CELF4: variants seen among roughly 807,000 people sequenced by gnomAD.
CELF4 encodes CUG-BP- and ETR-3-like factor 4.
A neutral mutation model predicts 59.9 loss-of-function variants in CELF4; 18 were observed. That is an observed-to-expected ratio of 0.30 (90% CI 0.21 to 0.45). The LOEUF is 0.45. Ranked by LOEUF, CELF4 falls within the 20% of genes least tolerant of loss-of-function variation. The pLI, the probability that CELF4 is intolerant of heterozygous loss-of-function variation, is 1.00. For synonymous variants in CELF4, 261 were observed against 267.1 expected, an observed-to-expected ratio of 0.98 and a Z score of 0.22; for missense variants, 456 against 689.0, an observed-to-expected ratio of 0.66 and a Z score of 3.79.
chr18:37,507,989 C>A (rs972665041), intron 1 of CELF4, among the ~76,000 whole-genome samples: 1 of 152,218 alleles, frequency 6.6e-6, no homozygotes, highest in Non-Finnish European at 1.5e-5. Flanking sequence ...GATTCCTCCT[C>A]TCCACCAGCC....
In CELF4 at chr18:37,254,009, TCGGGGGACAGGGGGG is replaced by T; in HGVS notation, c.1334-86_1334-72del. On this transcript the variant is annotated intron_variant, in intron 11 of 12. Coordinates refer to ENST00000420428, the MANE Select transcript of CELF4 (RefSeq NM_020180.4). The surrounding 1 kb of genome is among the most constrained non-coding windows in gnomAD (Gnocchi z 5.1). ...CCGGGGCGCTGCCGGCGGGGAGGGGTCGGGGGACAGGGGGGCGGGGCGGGCCTGAGGCTCTCCCCC... is the reference window on the plus strand; with the variant it reads ...CCGGGGCGCTGCCGGCGGGGAGGGGTCGGGGCGGGCCTGAGGCTCTCCCCC... 3.5e-6 allele frequency: 1 copy of T among 286,442 alleles called. No individual in the cohort carries two copies. Among genetic ancestry groups the T allele is most frequent in the Non-Finnish European group, 6.8e-6 (1 of 146,276 alleles). 17.7% of individuals were successfully genotyped at this position (286,442 alleles called of 1,614,324 possible). A position where few individuals can be genotyped will look rare whatever the true frequency, so the allele number is the denominator to read the frequency against.
At chr18:37,466,244 C>T (rs962220188) in intron 2 of CELF4, among the ~76,000 whole-genome samples, 11 of 152,162 alleles carry the variant, frequency 7.2e-5, no homozygotes, top group African/African-American at 2.7e-4. Context: ...CTGAGATGTT[C>T]CGAAGGAAGT....
At chr18:37,367,359 C>T (rs1206292514) in intron 2 of CELF4, among the ~76,000 whole-genome samples, 1 of 151,952 alleles carries the variant, frequency 6.6e-6, no homozygotes, top group Non-Finnish European at 1.5e-5. Flanking sequence ...TCACTGGAGA[C>T]AGTTCGTTTG....
intron 1 of CELF4, among the ~76,000 whole-genome samples, chr18:37,498,477 T>G (rs2099927718): frequency 7.0e-6 from 1 of 143,184 alleles, no homozygotes; most frequent in Admixed American, 6.9e-5. Context: ...TCCTTTTCTC[T>G]TTCTTCTTTA....
chr18:37,381,011 C>T (rs1396334345), intron 2 of CELF4, among the ~76,000 whole-genome samples: 1 of 151,796 alleles, frequency 6.6e-6, no homozygotes, highest in African/African-American at 2.4e-5. Context: ...ACCATCCATC[C>T]ATCTATCCAT....
chr18:37,434,128 T>A (rs1029323391), intron 2 of CELF4, among the ~76,000 whole-genome samples: 18 of 152,144 alleles, frequency 1.2e-4, no homozygotes, highest in African/African-American at 4.1e-4. Flanking sequence ...AAGCTGCACA[T>A]AAACTCTGAA....
intron 2 of CELF4, among the ~76,000 whole-genome samples, chr18:37,479,402 A>C (rs1438239481): frequency 6.6e-6 from 1 of 152,148 alleles, no homozygotes; most frequent in Non-Finnish European, 1.5e-5. Flanking sequence ...GGGCCAGATG[A>C]TGTTTTGCTG....
intron 2 of CELF4, among the ~76,000 whole-genome samples, chr18:37,435,225 C>G (rs2099687058): frequency 6.6e-6 from 1 of 152,148 alleles, no homozygotes; most frequent in Non-Finnish European, 1.5e-5. Context: ...TTTTCCAGTT[C>G]TACTTTCTCT....
intron 2 of CELF4, among the ~76,000 whole-genome samples, chr18:37,334,805 G>C (rs1248393227): frequency 6.6e-6 from 1 of 151,992 alleles, no homozygotes; most frequent in Admixed American, 6.6e-5. Flanking sequence ...AGAGTCCCCA[G>C]GCATGTTAAA....
chr18:37,383,495 G>C (rs971108909), intron 2 of CELF4, among the ~76,000 whole-genome samples: 1 of 152,236 alleles, frequency 6.6e-6, no homozygotes, highest in Non-Finnish European at 1.5e-5. Context: ...TTTGATGCTT[G>C]AAGGAGGCAA....
In CELF4 at chr18:37,274,436, C is replaced by T; in HGVS notation, c.676G>A (p.Val226Met). The change falls in exon 6 of 13, where the codon GTG (valine) becomes ATG (methionine). Residue 226 changes from valine to methionine, a missense_variant. Physicochemically the swap from Val to Met is conservative, Grantham distance 21. Transcript: ENST00000420428. Reference protein sequence around the residue: ...QTMPGASSSLVVKFADTDKER... With the variant: ...QTMPGASSSLMVKFADTDKER... The stretch of plus-strand genomic sequence containing the variant: ...TTGTCGGTGTCGGCGAACTTGACCA[C>T]CAGACTGGACGAGGCTCCCTGCGGC... The T allele has an allele frequency of 6.2e-7, 1 of 1,613,270 alleles. No individual in the cohort carries two copies. The highest frequency in any genetic ancestry group is 8.5e-7 in the Non-Finnish European group (1 of 1,179,918).
At chr18:37,496,097 C>G (rs986754047) in intron 1 of CELF4, among the ~76,000 whole-genome samples, 2 of 152,160 alleles carry the variant, frequency 1.3e-5, no homozygotes, top group African/African-American at 4.8e-5. Context: ...CTTGGGCCCT[C>G]CATCAGATCC....
At chr18:37,278,189 A>G (rs1265493454) in intron 3 of CELF4, among the ~76,000 whole-genome samples, 1 of 151,928 alleles carries the variant, frequency 6.6e-6, no homozygotes, top group African/African-American at 2.4e-5. Flanking sequence ...GCCTTTCTAA[A>G]CATATAAGCT....
intron 1 of CELF4, among the ~76,000 whole-genome samples, chr18:37,504,449 A>C: frequency 7.2e-6 from 1 of 138,682 alleles, no homozygotes; most frequent in Non-Finnish European, 1.5e-5. Flanking sequence ...GTGAGACTCC[A>C]TCTCAAAAAA....
At chr18:37,264,464 T>C (rs568670813) in intron 10 of CELF4, among the ~76,000 whole-genome samples, 1 of 152,350 alleles carries the variant, frequency 6.6e-6, no homozygotes, top group East Asian at 1.9e-4. Flanking sequence ...ACCACTCTGG[T>C]GTACAGAGCT....
chr18:37,548,659 C>T (rs1235331190), intron 1 of CELF4, among the ~76,000 whole-genome samples: 1 of 152,152 alleles, frequency 6.6e-6, no homozygotes. Context: ...ACTTTTGCAC[C>T]GTGTTTTCCC....
At chr18:37,389,246 T>G (rs1250491138) in intron 2 of CELF4, among the ~76,000 whole-genome samples, 2 of 152,172 alleles carry the variant, frequency 1.3e-5, no homozygotes, top group African/African-American at 2.4e-5. Context: ...TTCAAATTAC[T>G]GATACCAATC....
chr18:37,383,023 C>CATGTATGTATGT (rs72091493), intron 2 of CELF4, among the ~76,000 whole-genome samples: 4 of 150,278 alleles, frequency 2.7e-5, no homozygotes, highest in African/African-American at 7.4e-5. Context: ...ATAGTACATA[C>CATGTATGTATGT]ATGTATGTAT....
intron 3 of CELF4, among the ~76,000 whole-genome samples, chr18:37,282,119 A>G (rs1332802591): frequency 6.6e-6 from 1 of 152,190 alleles, no homozygotes; most frequent in Non-Finnish European, 1.5e-5. Context: ...TGGCACAGAG[A>G]AAAGGCTCAA....
Sources: allele counts gnomAD v4.1 joint callset (sites outside exome capture counted in the v4.1 genomes callset), GRCh38; gene constraint gnomAD v4.1.1; non-coding constraint Gnocchi (gnomAD v3.1); transcripts MANE v1.5; gene names NCBI Gene and HGNC (gene_info 2026-07-23, HGNC 2026-07-21).